KIRREL3: variants seen among roughly 807,000 people sequenced by gnomAD.
KIRREL3 encodes the protein kin of IRRE-like protein 3.
A neutral mutation model predicts 89.7 loss-of-function variants in KIRREL3; 36 were observed. That is an observed-to-expected ratio of 0.40 (90% confidence interval 0.31 to 0.53). The LOEUF is 0.53. Ranked by LOEUF, KIRREL3 falls within the 20% of genes least tolerant of loss-of-function variation. The pLI is 0.49. For missense variants in KIRREL3, 864 were observed against 1,056.6 expected (o/e 0.82, Z 2.53); for synonymous variants, 445 against 441.4 (o/e 1.01, Z -0.10).
Position 126,755,823 on chromosome 11 carries a change from C to CAG in KIRREL3, c.56-192913_56-192912dup, listed in dbSNP as rs10616492. On this transcript the variant is annotated intron_variant, in intron 1 of 16. Transcript: ENST00000525144. The surrounding 1 kb of genome is among the most constrained non-coding windows in gnomAD (Gnocchi z 4.3). ...GCGTGCTCGCCATCTGCCATTCAGGCAGAGAGAGAGAGAGAGAGAGAGAGA... is the reference window on the plus strand; with the variant it reads ...GCGTGCTCGCCATCTGCCATTCAGGCAGAGAGAGAGAGAGAGAGAGAGAGAGA... 7.9e-4 allele frequency among the ~76,000 whole-genome samples: 117 copies of CAG among 148,032 alleles called. No homozygotes were observed. Among genetic ancestry groups the CAG allele is most frequent in the Non-Finnish European group, 1.2e-3 (78 of 67,198 alleles).
In KIRREL3 at chr11:126,425,914, G is replaced by C. The variant is rs185343891; in HGVS notation, c.1807-190C>G. Among the ~76,000 whole-genome samples the C allele has an allele frequency of 4.5e-4, 69 of 152,324 alleles. 1 individual carries two copies. In the East Asian group the frequency reaches 0.01, roughly 22 times the overall value. On this transcript the variant is annotated intron_variant, in intron 15 of 16. Transcript: ENST00000525144. ...TCCTAGGAGACAGGGAAGCAGTTGA[G>C]GGGGGTGGGTGAGTAGGTGAGGTGA...
intron 1 of KIRREL3, among the ~76,000 whole-genome samples, chr11:126,792,073 A>G (rs928265358): frequency 6.6e-6 from 1 of 152,080 alleles, no homozygotes; most frequent in African/African-American, 2.4e-5. Flanking sequence ...GCTGGCTAGT[A>G]AGGAATCGAG....
chr11:126,446,735 C>T, intron 9 of KIRREL3, 24 bp downstream of exon 9: 3 of 1,587,590 alleles, frequency 1.9e-6, no homozygotes, highest in South Asian at 2.3e-5. Context: ...CAGAGGTGCC[C>T]CGAGGTCTGA....
chr11:126,679,552 T>C (rs569756763), intron 1 of KIRREL3, among the ~76,000 whole-genome samples: 2 of 152,300 alleles, frequency 1.3e-5, no homozygotes, highest in African/African-American at 4.8e-5. Context: ...GAGCTAAGAT[T>C]TGAATCCAAG....
Position 126,490,051 on chromosome 11 carries a change from C to T in KIRREL3, c.434-16585G>A, listed in dbSNP as rs1957468514. Reference sequence around the variant, plus strand: ...CGAGGAGTGAACGGGGTGAGGTGTCCAGTGTTGCTTTGAAGTGAAATGTTT... The same window carrying T: ...CGAGGAGTGAACGGGGTGAGGTGTCTAGTGTTGCTTTGAAGTGAAATGTTT... On this transcript the variant is annotated intron_variant, in intron 4 of 16. Transcript: ENST00000525144. This position sits in a 1 kb window ranked among gnomAD's most constrained non-coding sequence, Gnocchi z 4.2. Among the ~76,000 whole-genome samples the T allele has an allele frequency of 6.6e-6, 1 of 152,046 alleles. No homozygotes were observed. The highest frequency in any genetic ancestry group is 1.5e-5 in the Non-Finnish European group (1 of 68,018).
intron 1 of KIRREL3, among the ~76,000 whole-genome samples, chr11:126,657,171 T>G (rs751233530): frequency 1.3e-5 from 2 of 152,136 alleles, no homozygotes; most frequent in Non-Finnish European, 2.9e-5. Flanking sequence ...GCTTTTGAAC[T>G]TTGTATTACC....
chr11:126,425,101 G>A (rs891235020), intron 16 of KIRREL3, 78 bp from the exon 17 acceptor site: 113 of 1,317,870 alleles, frequency 8.6e-5, no homozygotes, highest in Admixed American at 1.4e-4. Context: ...GGCTGAGCCC[G>A]TCCCCTTATG....
In KIRREL3 at chr11:126,471,560, A is replaced by T. The variant is rs1591595526; in HGVS notation, c.591+1749T>A. Among the ~76,000 whole-genome samples, 1 of 151,740 alleles carries T rather than the reference A, an allele frequency of 6.6e-6. No homozygotes were observed. The highest frequency in any genetic ancestry group is 2.4e-5 in the African/African-American group (1 of 41,316). ...CTTGCTTTCATAGGAAGGAATGGTGAGGTAGGGTTGGTGGCTCAGCAGGTT... is the reference window on the plus strand; with the variant it reads ...CTTGCTTTCATAGGAAGGAATGGTGTGGTAGGGTTGGTGGCTCAGCAGGTT... On this transcript the variant is annotated intron_variant, in intron 5 of 16. Transcript: ENST00000525144. This position sits in a 1 kb window ranked among gnomAD's most constrained non-coding sequence, Gnocchi z 5.4.
rs561894828 is a variant in KIRREL3, at chr11:126,776,424, T to C, written c.56-213512A>G. ...TCCCATTGGTAAATGTGCTGATGCC[T>C]CCTTCTCAGGGTGGCTGTGAGAATC... On this transcript the variant is annotated intron_variant, in intron 1 of 16. Coordinates refer to ENST00000525144, the MANE Select transcript of KIRREL3 (RefSeq NM_032531.4). This position sits in a 1 kb window ranked among gnomAD's most constrained non-coding sequence, Gnocchi z 4.7. 1.3e-5 allele frequency among the ~76,000 whole-genome samples: 2 copies of C among 152,268 alleles called. No homozygotes were observed. Among genetic ancestry groups the C allele is most frequent in the South Asian group, 4.1e-4 (2 of 4,820 alleles).
chr11:126,856,709 G>A (rs1272826465), intron 1 of KIRREL3, among the ~76,000 whole-genome samples: 1 of 151,482 alleles, frequency 6.6e-6, no homozygotes, highest in Admixed American at 6.6e-5. Context: ...TCTGCCTCCT[G>A]GGTTCAGGCC....
Position 126,428,341 on chromosome 11 carries a change from A to T in KIRREL3, c.1806+838T>A, listed in dbSNP as rs151245509. 1.6e-3 allele frequency among the ~76,000 whole-genome samples: 248 copies of T among 152,246 alleles called. 3 individuals are homozygous for T. The highest frequency in any genetic ancestry group is 5.5e-3 in the African/African-American group (227 of 41,540). The stretch of plus-strand genomic sequence containing the variant: ...GGTTGTCCAGGTTTCTGCTTGGACA[A>T]CTAGGTAGATGATGGCCCATAAATG... On this transcript the variant is annotated intron_variant, in intron 15 of 16. Transcript: ENST00000525144. This position sits in a 1 kb window ranked among gnomAD's most constrained non-coding sequence, Gnocchi z 6.4.
At chr11:126,787,447 A>G (rs1950517394) in intron 1 of KIRREL3, among the ~76,000 whole-genome samples, 1 of 152,222 alleles carries the variant, frequency 6.6e-6, no homozygotes, top group African/African-American at 2.4e-5. Flanking sequence ...TCCCAAATAC[A>G]CAGCAGAACT....
Position 126,837,219 on chromosome 11 carries a change from T to C in KIRREL3, c.55+163236A>G, listed in dbSNP as rs997036532. Among the ~76,000 whole-genome samples, 1 of 152,134 alleles carries C rather than the reference T, an allele frequency of 6.6e-6. No homozygotes were observed. Among genetic ancestry groups the C allele is most frequent in the African/African-American group, 2.4e-5 (1 of 41,414 alleles). ...AAATCCAGTTTATTCAACTGTGAAA[T>C]AGGTTTAATAAAACCAGCCTTAGAA... On this transcript the variant is annotated intron_variant, in intron 1 of 16. Transcript: ENST00000525144. The surrounding 1 kb of genome is among the most constrained non-coding windows in gnomAD (Gnocchi z 4.7).
rs984330469 is a variant in KIRREL3, at chr11:126,904,054, G to A, written c.55+96401C>T. Among the ~76,000 whole-genome samples, 1 of 152,156 alleles carries A rather than the reference G, an allele frequency of 6.6e-6. No individual in the cohort carries two copies. Among genetic ancestry groups the A allele is most frequent in the African/African-American group, 2.4e-5 (1 of 41,442 alleles). On this transcript the variant is annotated intron_variant, in intron 1 of 16. Transcript: ENST00000525144. This position sits in a 1 kb window ranked among gnomAD's most constrained non-coding sequence, Gnocchi z 4.4. Reference sequence around the variant, plus strand: ...ATTCTCAAGCAGGGATTTCTGCACTGGGAGGAGGCCAGATTACAAGACCCT... The same window carrying A: ...ATTCTCAAGCAGGGATTTCTGCACTAGGAGGAGGCCAGATTACAAGACCCT...
At chr11:126,450,953 G>A (rs1339493419) in intron 7 of KIRREL3, among the ~76,000 whole-genome samples, 9 of 151,872 alleles carry the variant, frequency 5.9e-5, no homozygotes, top group African/African-American at 1.9e-4. Flanking sequence ...GTGTGTGCAT[G>A]TGTGAGCGTG....
intron 1 of KIRREL3, among the ~76,000 whole-genome samples, chr11:126,810,142 T>C (rs1006990829): frequency 6.6e-6 from 1 of 152,166 alleles, no homozygotes; most frequent in African/African-American, 2.4e-5. Flanking sequence ...GTCATCCCCT[T>C]GCTCACACTG....
chr11:126,845,509 A>G (rs1039403530), intron 1 of KIRREL3, among the ~76,000 whole-genome samples: 1 of 152,078 alleles, frequency 6.6e-6, no homozygotes, highest in African/African-American at 2.4e-5. Context: ...AAAGAGGGGT[A>G]CCTTAGGATA....
chr11:126,827,196 G>A (rs1478474025), intron 1 of KIRREL3, among the ~76,000 whole-genome samples: 2 of 145,036 alleles, frequency 1.4e-5, no homozygotes, highest in South Asian at 2.2e-4. Context: ...TTTTTTTCTT[G>A]AGATGGAGTC....
chr11:126,972,884 G>A (rs1046951435), intron 1 of KIRREL3, among the ~76,000 whole-genome samples: 11 of 152,014 alleles, frequency 7.2e-5, no homozygotes, highest in East Asian at 1.9e-4. Context: ...TTCATTTTCC[G>A]CCATCGTGCA....
Sources: gnomAD v4.1 joint callset for allele counts (sites outside exome capture counted in the v4.1 genomes callset) on GRCh38, gnomAD v4.1.1 for gene constraint, Gnocchi (gnomAD v3.1) non-coding constraint, MANE v1.5 for transcripts, NCBI Gene and HGNC (gene_info 2026-07-23, HGNC 2026-07-21) for gene names.